Variants in CAGE1 observed in about 807,000 individuals in gnomAD.
The protein encoded by CAGE1 is cancer antigen 1.
Under a neutral mutation model 94.9 loss-of-function variants are expected in CAGE1, and 66 were observed. The observed-to-expected ratio is 0.70, with a 90% CI of 0.57 to 0.85. CAGE1 has a LOEUF of 0.85. Ranked by LOEUF, CAGE1 falls within the 40% of genes least tolerant of loss-of-function variation. The pLI is 0.00. For missense variants in CAGE1, 865 were observed against 950.4 expected, an observed-to-expected ratio of 0.91 and a Z score of 1.18; for synonymous variants, 319 against 321.0, an observed-to-expected ratio of 0.99 and a Z score of 0.07.
chr6:7,366,339 T>C (rs2113436083), intron 7 of CAGE1, among the ~76,000 whole-genome samples: 1 of 152,056 alleles, frequency 6.6e-6, no homozygotes, highest in Middle Eastern at 3.4e-3. Flanking sequence ...AGGAAAAGAA[T>C]TCACACAGCA....
intron 11 of CAGE1, among the ~76,000 whole-genome samples, chr6:7,334,725 C>CAAAAAAAAA (rs58790989): frequency 0.047 from 3,163 of 66,930 alleles, 337 homozygotes; most frequent in African/African-American, 0.15. Context: ...GACTCTCTCT[C>CAAAAAAAAA]AAAAAAAAAA....
chr6:7,326,925 G>T (rs367911590), intron 13 of CAGE1, 26 bp from the exon 14 acceptor site: 1 of 1,562,382 alleles, frequency 6.4e-7, no homozygotes, highest in African/African-American at 1.4e-5. Context: ...AAAATGTTTC[G>T]TAAGTTTTGG....
chr6:7,353,273 C>A (rs1004450101), intron 11 of CAGE1, among the ~76,000 whole-genome samples: 14 of 152,104 alleles, frequency 9.2e-5, no homozygotes, highest in Non-Finnish European at 2.1e-4. Context: ...AAGTGGCCAA[C>A]AAACATATGA....
At chr6:7,341,487 T>C in intron 11 of CAGE1, 4 of 1,175,506 alleles carry the variant, frequency 3.4e-6, no homozygotes, top group Non-Finnish European at 5.1e-6. Context: ...AGGTATTCCA[T>C]CGCGAGTCTG....
intron 11 of CAGE1, among the ~76,000 whole-genome samples, chr6:7,348,203 TGCTGATAGCCACA>T (rs1344428464): frequency 3.3e-5 from 5 of 152,102 alleles, no homozygotes; most frequent in Non-Finnish European, 7.4e-5. Flanking sequence ...CGGGAACAGG[TGCTGATAGCCACA>T]GCTGATATCC....
At chr6:7,361,498 T>C (rs1760164384) in intron 9 of CAGE1, among the ~76,000 whole-genome samples, 2 of 152,226 alleles carry the variant, frequency 1.3e-5, no homozygotes, top group African/African-American at 2.4e-5. Flanking sequence ...TGTGTGTGCA[T>C]ATAAGTATTC....
At position 7,373,410 on chromosome 6, in the gene CAGE1, A is replaced by G. The variant is rs766276713; in HGVS notation, c.1409T>C (p.Leu470Ser). Reference sequence around the variant, plus strand: ...CTCTTTTTCCCGTTTCAACAAGTCCAAAGCAGAAGCTGTGGCCTTTTCCAG... The same window carrying G: ...CTCTTTTTCCCGTTTCAACAAGTCCGAAGCAGAAGCTGTGGCCTTTTCCAG... ...KELEKATASALDLLKREKEAQ... is the reference protein window; with the variant it reads ...KELEKATASASDLLKREKEAQ... Residue 470 changes from leucine to serine, a missense_variant, in exon 5 of 14, where the codon TTG becomes TCG. Leu to Ser is a moderately radical substitution (Grantham distance 145). Transcript: ENST00000502583. 4 of 1,613,898 alleles carry G rather than the reference A, an allele frequency of 2.5e-6. No individual in the cohort carries two copies. The highest frequency in any genetic ancestry group is 4.5e-5 in the East Asian group (2 of 44,874).
intron 11 of CAGE1, among the ~76,000 whole-genome samples, chr6:7,349,397 A>G (rs1378680698): frequency 6.6e-6 from 1 of 152,226 alleles, no homozygotes; most frequent in Non-Finnish European, 1.5e-5. Context: ...CACTACAAGA[A>G]CTGCTAAAAG....
At chr6:7,368,273 A>C (rs1760420336) in intron 7 of CAGE1, among the ~76,000 whole-genome samples, 1 of 148,800 alleles carries the variant, frequency 6.7e-6, no homozygotes, top group Non-Finnish European at 1.5e-5. Context: ...AAAAAAAAAA[A>C]ATTAAAGAAA....
At chr6:7,341,123 T>C in intron 11 of CAGE1, 1 of 558,910 alleles carries the variant, frequency 1.8e-6, no homozygotes, top group Non-Finnish European at 3.6e-6. Flanking sequence ...GTGATGTACT[T>C]GTGAGCTTCC....
intron 6 of CAGE1, among the ~76,000 whole-genome samples, 178 bp from the exon 7 acceptor site, chr6:7,368,976 G>C (rs1760448168): frequency 6.6e-6 from 1 of 151,220 alleles, no homozygotes; most frequent in Non-Finnish European, 1.5e-5. Flanking sequence ...CCAATAAAGG[G>C]TTAGTACAGA....
intron 11 of CAGE1, chr6:7,347,302 C>T (rs1759583509): frequency 6.6e-6 from 1 of 152,188 alleles, no homozygotes; most frequent in Admixed American, 6.5e-5. Flanking sequence ...AAGGGAGACC[C>T]TCTGCTCCCA....
At chr6:7,332,907 G>A (rs80331313) in intron 12 of CAGE1, among the ~76,000 whole-genome samples, 7,645 of 152,176 alleles carry the variant, frequency 0.05, 345 homozygotes, top group African/African-American at 0.12. Context: ...TAAGGAACTG[G>A]GCTAGAAAGA....
chr6:7,352,482 C>A lies in CAGE1; in HGVS notation c.2369+2559G>T, dbSNP rs1297389961. Among the ~76,000 whole-genome samples, 14 of 152,134 alleles carry A rather than the reference C, an allele frequency of 9.2e-5. No homozygotes were observed. In the East Asian group the frequency reaches 2.7e-3, roughly 29 times the overall value. ...TGACCATACTGCCAAAAGCAATCTA[C>A]AAATGCAATACAATCCCCATCAAAA... On this transcript the variant is annotated intron_variant, in intron 11 of 13. Transcript: ENST00000502583.
In CAGE1 at chr6:7,387,046, T is replaced by C; in HGVS notation, c.128A>G (p.Gln43Arg). 6.4e-7 allele frequency: 1 copy of C among 1,550,642 alleles called. No homozygotes were observed. Among genetic ancestry groups the C allele is most frequent in the East Asian group, 2.4e-5 (1 of 40,886 alleles). Reference sequence around the variant, plus strand: ...TGGAGAATGTGAAAGCATTACACCTTGAGAAAGATTGCTGACATTCATGGT... The same window carrying C: ...TGGAGAATGTGAAAGCATTACACCTCGAGAAAGATTGCTGACATTCATGGT... The part of the protein sequence containing the change: ...SDTMNVSNLS[Q>R]GVMLSHSPIC... The change falls in exon 2 of 14, where the codon CAA becomes CGA. Residue 43 changes from glutamine to arginine, a missense_variant. By Grantham distance (43) the Gln-to-Arg change is conservative (BLOSUM62 1). Coordinates refer to ENST00000502583, the MANE Select transcript of CAGE1 (RefSeq NM_001170692.2).
At chr6:7,345,889 C>T (rs1383859404) in intron 11 of CAGE1, among the ~76,000 whole-genome samples, 2 of 152,178 alleles carry the variant, frequency 1.3e-5, no homozygotes, top group African/African-American at 4.8e-5. Flanking sequence ...TGTACCACTG[C>T]ACTCCAGCCT....
intron 11 of CAGE1, 151 bp downstream of exon 11, chr6:7,354,890 C>T (rs1483233642): frequency 2.3e-6 from 1 of 443,410 alleles, no homozygotes; most frequent in East Asian, 3.4e-5. Context: ...AGACATTAAG[C>T]AGTCTATACC....
chr6:7,331,118 G>C (rs927317150), intron 12 of CAGE1, among the ~76,000 whole-genome samples: 2 of 151,860 alleles, frequency 1.3e-5, no homozygotes, highest in East Asian at 3.9e-4. Context: ...ATCTGCCAAG[G>C]GTTTTCTATT....
intron 2 of CAGE1, among the ~76,000 whole-genome samples, chr6:7,386,088 G>T (rs188462829): frequency 1.2e-4 from 18 of 152,218 alleles, no homozygotes; most frequent in South Asian, 4.1e-4. Context: ...CAAATAGCTT[G>T]TTATTTTAAT....
Sources: allele counts gnomAD v4.1 joint callset (sites outside exome capture counted in the v4.1 genomes callset), GRCh38; gene constraint gnomAD v4.1.1; transcripts MANE v1.5; gene names NCBI Gene and HGNC (gene_info 2026-07-23, HGNC 2026-07-21).